The following SPA17 variants were observed in gnomAD, a reference collection of about 807,000 sequenced individuals.
SPA17 encodes sperm surface protein Sp17.
SPA17 carries 7 observed loss-of-function variants against 13.8 expected under a neutral mutation model. The ratio of observed to expected loss-of-function variants is 0.51; its 90% CI spans 0.29 to 0.95. The LOEUF (loss-of-function observed/expected upper bound fraction) is 0.95. Ranked by LOEUF, SPA17 falls within the 40% of genes least tolerant of loss-of-function variation. The pLI, the probability that SPA17 is intolerant of heterozygous loss-of-function variation, is 0.08. For synonymous variants in SPA17, 61 were observed against 59.0 expected, an observed-to-expected ratio of 1.03 and a Z score of -0.16; for missense variants, 170 against 179.3, an observed-to-expected ratio of 0.95 and a Z score of 0.30.
At chr11:124,687,669 T>C (rs760701742) in intron 3 of SPA17, among the ~76,000 whole-genome samples, 39 of 152,252 alleles carry the variant, frequency 2.6e-4, no homozygotes, top group Non-Finnish European at 4.1e-4. Context: ...ATAAATGTGA[T>C]ACATCACATC....
In SPA17 at chr11:124,696,879, C is replaced by G. The variant is rs551473918; in HGVS notation, c.*2433C>G. The G allele has an allele frequency of 1.3e-5, 2 of 152,322 alleles. No individual in the cohort carries two copies. The highest frequency in any genetic ancestry group is 3.9e-4 in the East Asian group (2 of 5,186). 9.4% of individuals were successfully genotyped at this position (152,322 alleles called of 1,614,324 possible). A position where few individuals can be genotyped will look rare whatever the true frequency, so the allele number is the denominator to read the frequency against. On this transcript the variant is annotated 3_prime_UTR_variant, in exon 5 of 5. Transcript: ENST00000227135. ...ATGTCTATAGGCATCTCAAAAGTAA[C>G]ATATAAAAAATGAATCCTGATATTG...
At position 124,695,923 on chromosome 11, in the gene SPA17, G is replaced by GAC. The variant is rs1943667113; in HGVS notation, c.*1477_*1478insAC. 1 of 152,188 alleles carries GAC rather than the reference G, an allele frequency of 6.6e-6. No homozygotes were observed. Among genetic ancestry groups the GAC allele is most frequent in the Non-Finnish European group, 1.5e-5 (1 of 68,068 alleles). The allele number at this position is 152,188 out of a possible 1,614,324, so 9.4% of individuals were successfully genotyped here. ...CTTTCTGCAAAGCAGTTTTATTTCAGGTGCCTCACTGCCCTTCCCTGGCAC... is the reference window on the plus strand; with the variant it reads ...CTTTCTGCAAAGCAGTTTTATTTCAGACGTGCCTCACTGCCCTTCCCTGGCAC... On this transcript the variant is annotated 3_prime_UTR_variant, in exon 5 of 5. Transcript: ENST00000227135.
chr11:124,686,517 T>C (rs1943580477), intron 3 of SPA17, among the ~76,000 whole-genome samples: 2 of 152,184 alleles, frequency 1.3e-5, no homozygotes, highest in African/African-American at 4.8e-5. Context: ...TGGAACATTC[T>C]CAAAGATAGA....
chr11:124,684,905 A>G (rs191700182), intron 3 of SPA17, among the ~76,000 whole-genome samples: 127 of 152,326 alleles, frequency 8.3e-4, no homozygotes, highest in Non-Finnish European at 1.5e-3. Flanking sequence ...AATAATTTAC[A>G]GTATCTGGTG....
Position 124,697,027 on chromosome 11 carries a change from C to G in SPA17, c.*2581C>G, listed in dbSNP as rs1355863097. The G allele has an allele frequency of 6.6e-6, 1 of 152,136 alleles. No individual in the cohort carries two copies. Among genetic ancestry groups the G allele is most frequent in the Admixed American group, 6.5e-5 (1 of 15,274 alleles). 9.4% of individuals were successfully genotyped at this position (152,136 alleles called of 1,614,324 possible). On this transcript the variant is annotated 3_prime_UTR_variant, in exon 5 of 5. Coordinates refer to ENST00000227135, the MANE Select transcript of SPA17 (RefSeq NM_017425.4). ...TTTAATGCGTCACTTTCTTTCACAC[C>G]CCATATACAATCTATCAGCAAAACC...
chr11:124,677,166 C>A (rs1442959322), intron 2 of SPA17, among the ~76,000 whole-genome samples: 1 of 152,110 alleles, frequency 6.6e-6, no homozygotes, highest in Non-Finnish European at 1.5e-5. Context: ...AAATTGTAAG[C>A]ACCACACCCA....
intron 3 of SPA17, among the ~76,000 whole-genome samples, chr11:124,685,733 T>TGAGACATGG (rs1264602363): frequency 1.3e-5 from 2 of 152,222 alleles, no homozygotes; most frequent in Non-Finnish European, 2.9e-5. Flanking sequence ...ACCATGGATT[T>TGAGACATGG]GAGACATGGA....
At chr11:124,684,093 G>A (rs1337729873) in intron 3 of SPA17, among the ~76,000 whole-genome samples, 1 of 152,132 alleles carries the variant, frequency 6.6e-6, no homozygotes, top group African/African-American at 2.4e-5. Context: ...CCTTTGCTCA[G>A]CTCTCATTCT....
chr11:124,689,924 C>T (rs1212361578), intron 3 of SPA17, among the ~76,000 whole-genome samples: 2 of 151,930 alleles, frequency 1.3e-5, no homozygotes, highest in Non-Finnish European at 2.9e-5. Flanking sequence ...TTATTTTACC[C>T]CACTCAGAAT....
At chr11:124,681,875 A>G (rs930494351) in intron 3 of SPA17, among the ~76,000 whole-genome samples, 1 of 152,178 alleles carries the variant, frequency 6.6e-6, no homozygotes, top group African/African-American at 2.4e-5. Flanking sequence ...TCCACAAATA[A>G]TTACTGAATT....
intron 1 of SPA17, chr11:124,675,031 T>C (rs1943441602): frequency 8.5e-6 from 3 of 354,364 alleles, no homozygotes; most frequent in African/African-American, 4.2e-5. Flanking sequence ...TGATTTGGCC[T>C]AGTGAATGGG....
chr11:124,686,190 T>TGGGGGGGG (rs60389113), intron 3 of SPA17, among the ~76,000 whole-genome samples: 1 of 74,848 alleles, frequency 1.3e-5, no homozygotes, highest in African/African-American at 5.8e-5. Context: ...GAATCATGGG[T>TGGGGGGGG]GGGGGGGGGG....
intron 3 of SPA17, among the ~76,000 whole-genome samples, chr11:124,687,652 C>T (rs566271499): frequency 6.6e-5 from 10 of 152,172 alleles, no homozygotes; most frequent in Non-Finnish European, 1.0e-4. Flanking sequence ...TCAACATATG[C>T]AAATCAATAA....
At chr11:124,677,539 A>G (rs954224400) in intron 2 of SPA17, among the ~76,000 whole-genome samples, 5 of 152,236 alleles carry the variant, frequency 3.3e-5, no homozygotes, top group African/African-American at 1.2e-4. Context: ...AGATACTAGA[A>G]GAAAATATGG....
intron 4 of SPA17, among the ~76,000 whole-genome samples, chr11:124,693,252 A>C (rs1361744269): frequency 6.6e-6 from 1 of 152,126 alleles, no homozygotes; most frequent in East Asian, 1.9e-4. Context: ...TTGTCTCATT[A>C]TTTATAATAG....
chr11:124,685,723 A>G (rs75749125), intron 3 of SPA17, among the ~76,000 whole-genome samples: 3,656 of 152,294 alleles, frequency 0.024, 160 homozygotes, highest in African/African-American at 0.082. Context: ...GCCTCAGCAC[A>G]CCATGGATTT....
chr11:124,686,324 G>C (rs1007473623), intron 3 of SPA17, among the ~76,000 whole-genome samples: 1 of 152,148 alleles, frequency 6.6e-6, no homozygotes, highest in African/African-American at 2.4e-5. Context: ...GCAGAACTGT[G>C]AGTCAATTAA....
intron 2 of SPA17, among the ~76,000 whole-genome samples, chr11:124,676,509 A>G (rs1397546128): frequency 6.6e-6 from 1 of 152,172 alleles, no homozygotes; most frequent in Non-Finnish European, 1.5e-5. Flanking sequence ...AACAACTCCC[A>G]CACACACTGC....
intron 3 of SPA17, among the ~76,000 whole-genome samples, chr11:124,690,520 T>C (rs957492715): frequency 4.6e-5 from 7 of 152,188 alleles, no homozygotes; most frequent in Admixed American, 2.0e-4. Context: ...GGCTAAAATG[T>C]GCAGTATTTG....
Sources: allele counts gnomAD v4.1 joint callset (sites outside exome capture counted in the v4.1 genomes callset), GRCh38; gene constraint gnomAD v4.1.1; transcripts MANE v1.5; gene names NCBI Gene and HGNC (gene_info 2026-07-23, HGNC 2026-07-21).